LPIN2: variants seen among roughly 807,000 people sequenced by gnomAD.
LPIN2 encodes the protein phosphatidate phosphatase LPIN2.
Under a neutral mutation model 111.4 loss-of-function variants are expected in LPIN2, and 55 were observed. That is an observed-to-expected ratio of 0.49 (90% CI 0.40 to 0.62). LPIN2 has a LOEUF of 0.62. LPIN2 is among the 20% of genes least tolerant of loss of function. LPIN2 has a pLI of 0.00. For missense variants in LPIN2, 992 were observed against 1,112.1 expected, an observed-to-expected ratio of 0.89 and a Z score of 1.54; for synonymous variants, 425 against 414.0, an observed-to-expected ratio of 1.03 and a Z score of -0.32.
At chr18:2,958,166 AAAAAAAACAGAAAAAAG>A (rs2077649321) in intron 2 of LPIN2, among the ~76,000 whole-genome samples, 1 of 146,002 alleles carries the variant, frequency 6.8e-6, no homozygotes, top group Non-Finnish European at 1.5e-5. Context: ...AACAACAAAA[AAAAAAAACAGAAAAAAG>A]AAAAAAAAAC....
At chr18:2,928,181 AC>A (rs1289689604) in intron 11 of LPIN2, among the ~76,000 whole-genome samples, 1 of 152,200 alleles carries the variant, frequency 6.6e-6, no homozygotes, top group Non-Finnish European at 1.5e-5. Flanking sequence ...TTTGTATATA[AC>A]AGGTATGTTA....
rs932705838 is a variant in LPIN2, at chr18:2,919,964, C to CT, written c.*328dup. 118 of 409,050 alleles carry CT rather than the reference C, an allele frequency of 2.9e-4. No individual in the cohort carries two copies. Among genetic ancestry groups the CT allele is most frequent in the African/African-American group, 2.3e-3 (114 of 49,060 alleles). 25.3% of individuals were successfully genotyped at this position (409,050 alleles called of 1,614,324 possible). ...ACTGTGTGCAGTGTTTTGGTCCACT[C>CT]TTTTTTAGCTGCTTTTTTCTTCCTT... On this transcript the variant is annotated 3_prime_UTR_variant, in exon 20 of 20. Transcript: ENST00000677752.
chr18:3,008,834 C>T (rs1440156765), intron 1 of LPIN2, among the ~76,000 whole-genome samples: 2 of 151,824 alleles, frequency 1.3e-5, no homozygotes, highest in African/African-American at 4.9e-5. Flanking sequence ...ACCTTAGCCT[C>T]CTGAGCAGCT....
intron 1 of LPIN2, among the ~76,000 whole-genome samples, chr18:2,980,311 C>A (rs1450930526): frequency 6.6e-6 from 1 of 152,160 alleles, no homozygotes; most frequent in Non-Finnish European, 1.5e-5. Context: ...AAATTCCACT[C>A]AATTAAATAA....
At position 2,951,210 on chromosome 18, in the gene LPIN2, T is replaced by C. The variant is rs867742294; in HGVS notation, c.435A>G (p.Thr145=). The C allele has an allele frequency of 3.7e-6, 6 of 1,614,214 alleles. No homozygotes were observed. In the African/African-American group the frequency reaches 4.0e-5, roughly 11 times the overall value. ...TTTTCACAGAACTTGGAGTAAAAAT[T>C]GTCTCTGTTTCCAAGACGTGTGAGA... ...SDISHVLETE[T]IFTPSSVKKK... Residue 145 remains threonine, a synonymous_variant, in exon 4 of 20, where the codon ACA becomes ACG. Transcript: ENST00000677752.
intron 1 of LPIN2, among the ~76,000 whole-genome samples, chr18:2,963,750 G>C: frequency 6.6e-6 from 1 of 151,840 alleles, no homozygotes; most frequent in African/African-American, 2.4e-5. Context: ...CCTATCTTGA[G>C]GCTTACGGGC....
rs753778991 is a variant in LPIN2, at chr18:2,923,876, G to GA, written c.2088-16dup. 1 of 1,608,932 alleles carries GA rather than the reference G, an allele frequency of 6.2e-7. No homozygotes were observed. The highest frequency in any genetic ancestry group is 8.5e-7 in the Non-Finnish European group (1 of 1,175,320). On this transcript the variant is annotated splice_polypyrimidine_tract_variant and intron_variant, in intron 15 of 19. Transcript: ENST00000677752. Reference sequence around the variant, plus strand: ...AAGCATCCGACCTAAGAAGACGGTAGAAACAGGAAAAGCTATCAGGAATCA... The same window carrying GA: ...AAGCATCCGACCTAAGAAGACGGTAGAAAACAGGAAAAGCTATCAGGAATCA...
intron 1 of LPIN2, among the ~76,000 whole-genome samples, chr18:2,979,327 G>A (rs1278444603): frequency 6.6e-6 from 1 of 152,216 alleles, no homozygotes; most frequent in African/African-American, 2.4e-5. Flanking sequence ...CACTGAGTAT[G>A]CTGAGTATGT....
At chr18:2,923,549 G>A (rs1199879135) in intron 16 of LPIN2, among the ~76,000 whole-genome samples, 1 of 151,918 alleles carries the variant, frequency 6.6e-6, no homozygotes, top group Non-Finnish European at 1.5e-5. Flanking sequence ...TGTAGGTAGT[G>A]CCTGAAACAC....
At chr18:2,927,891 G>A (rs895932228) in intron 11 of LPIN2, 80 bp from the exon 12 acceptor site, 26 of 1,161,090 alleles carry the variant, frequency 2.2e-5, no homozygotes, top group Non-Finnish European at 3.1e-5. Flanking sequence ...CTGAAGGACG[G>A]GGCCTTACTA....
chr18:2,947,598 T>G (rs892997415), intron 4 of LPIN2, among the ~76,000 whole-genome samples: 2 of 152,214 alleles, frequency 1.3e-5, no homozygotes, highest in Non-Finnish European at 2.9e-5. Context: ...TCAATTAACC[T>G]TAATTCTATT....
intron 1 of LPIN2, among the ~76,000 whole-genome samples, chr18:2,985,624 T>C (rs2078177042): frequency 6.6e-6 from 1 of 152,204 alleles, no homozygotes; most frequent in Non-Finnish European, 1.5e-5. Context: ...TTTGTTTTTG[T>C]TTTTTCTACT....
At chr18:2,997,444 A>G (rs2078363196) in intron 1 of LPIN2, among the ~76,000 whole-genome samples, 1 of 48,462 alleles carries the variant, frequency 2.1e-5, no homozygotes. Context: ...GTATTTTTCT[A>G]AACATAACAA....
chr18:2,966,907 G>A (rs1405401035), intron 1 of LPIN2: 2 of 152,194 alleles, frequency 1.3e-5, no homozygotes, highest in East Asian at 3.9e-4. Context: ...GACATGAGGA[G>A]TATGCTAGGA....
intron 15 of LPIN2, 62 bp downstream of exon 15, chr18:2,924,336 C>G (rs2077099686): frequency 5.0e-6 from 8 of 1,605,570 alleles, no homozygotes; most frequent in Middle Eastern, 1.7e-4. Flanking sequence ...CCACCACACA[C>G]TGCCTGCCCC....
At chr18:2,954,839 C>T (rs1339514954) in intron 2 of LPIN2, among the ~76,000 whole-genome samples, 1 of 152,170 alleles carries the variant, frequency 6.6e-6, no homozygotes, top group African/African-American at 2.4e-5. Context: ...ATTTTTACAA[C>T]ATATAAAAAT....
chr18:2,991,146 C>A, intron 1 of LPIN2: 1 of 343,166 alleles, frequency 2.9e-6, no homozygotes, highest in South Asian at 2.7e-5. Context: ...CAGGAGATCA[C>A]AATGCTGTGA....
At chr18:2,985,638 A>T (rs542001733) in intron 1 of LPIN2, among the ~76,000 whole-genome samples, 1 of 152,328 alleles carries the variant, frequency 6.6e-6, no homozygotes, top group South Asian at 2.1e-4. Flanking sequence ...TTCTACTACT[A>T]ATCCCATAAG....
rs2077051228 is a variant in LPIN2 at position 2,921,366 on chromosome 18, A to G, written c.2442+167T>C. 7.4e-6 allele frequency: 5 copies of G among 674,488 alleles called. No individual in the cohort carries two copies. The East Asian group carries it at 1.4e-4, about 18-fold the overall frequency. 41.8% of individuals were successfully genotyped at this position (674,488 alleles called of 1,614,324 possible). A position where few individuals can be genotyped will look rare whatever the true frequency, so the allele number is the denominator to read the frequency against. On this transcript the variant is annotated intron_variant, in intron 18 of 19. Coordinates refer to ENST00000677752, the MANE Select transcript of LPIN2 (RefSeq NM_001375808.2). The stretch of plus-strand genomic sequence containing the variant: ...AGATCTGCACCTGCAGGACCTCCCC[A>G]GTTGCTATAGATATTTGGAATAGAT...
Sources: gnomAD v4.1 joint callset for allele counts (sites outside exome capture counted in the v4.1 genomes callset) on GRCh38, gnomAD v4.1.1 for gene constraint, MANE v1.5 for transcripts, NCBI Gene and HGNC (gene_info 2026-07-23, HGNC 2026-07-21) for gene names.